The following SYN2 variants were observed in gnomAD, a reference collection of about 807,000 sequenced individuals.
The protein encoded by SYN2 is synapsin II, also known as synapsin-2.
SYN2 carries 19 observed loss-of-function variants against 50.9 expected under a neutral mutation model. The ratio of observed to expected loss-of-function variants is 0.37; its 90% CI spans 0.26 to 0.55. The LOEUF (loss-of-function observed/expected upper bound fraction) is 0.55, where lower values mean the gene tolerates loss of function less well. SYN2 is among the 20% of genes least tolerant of loss of function. The pLI is 0.81. For missense variants in SYN2, 587 were observed against 576.4 expected (o/e 1.02, Z -0.19); for synonymous variants, 255 against 224.9 (o/e 1.13, Z -1.20).
chr3:12,176,695 G>A (rs1241981342), intron 10 of SYN2, among the ~76,000 whole-genome samples: 1 of 152,234 alleles, frequency 6.6e-6, no homozygotes, highest in South Asian at 2.1e-4. Context: ...AAACCAGGAG[G>A]TTGAGGCATT....
At chr3:12,039,727 G>A (rs994440800) in intron 1 of SYN2, among the ~76,000 whole-genome samples, 2 of 152,014 alleles carry the variant, frequency 1.3e-5, no homozygotes, top group African/African-American at 4.8e-5. Flanking sequence ...GTCCTCTCAT[G>A]GATATGATCA....
At chr3:12,085,352 TAC>T (rs55795895) in intron 1 of SYN2, among the ~76,000 whole-genome samples, 88,810 of 149,222 alleles carry the variant, frequency 0.6, 27,495 homozygotes, top group South Asian at 0.75. Flanking sequence ...TGTTATGGAA[TAC>T]ACACACACAC....
At chr3:12,156,869 G>A in intron 5 of SYN2, 1 of 1,614,204 alleles carries the variant, frequency 6.2e-7, no homozygotes. Context: ...TCACACCACA[G>A]AGGGAAGAGT....
intron 1 of SYN2, among the ~76,000 whole-genome samples, chr3:12,054,015 G>A (rs113952473): frequency 2.6e-5 from 4 of 152,148 alleles, no homozygotes; most frequent in Non-Finnish European, 5.9e-5. Flanking sequence ...CAGCAAGAAT[G>A]ATAGTAGGGG....
intron 1 of SYN2, among the ~76,000 whole-genome samples, chr3:12,123,872 G>A (rs190746189): frequency 2.6e-4 from 40 of 152,184 alleles, no homozygotes; most frequent in Admixed American, 1.8e-3. Flanking sequence ...TCAGCCAAGT[G>A]TGGTGGTGTG....
At chr3:12,102,392 T>C (rs1321922595) in intron 1 of SYN2, among the ~76,000 whole-genome samples, 1 of 152,180 alleles carries the variant, frequency 6.6e-6, no homozygotes, top group East Asian at 1.9e-4. Flanking sequence ...ATGTTTTCAA[T>C]GAGTCAGGCA....
At position 12,190,843 on chromosome 3, in the gene SYN2, G is replaced by GGA; in HGVS notation, c.*219_*220dup. The GGA allele has an allele frequency of 7.6e-7, 1 of 1,321,296 alleles. No homozygotes were observed. Among genetic ancestry groups the GGA allele is most frequent in the Non-Finnish European group, 9.6e-7 (1 of 1,040,798 alleles). 81.8% of individuals were successfully genotyped at this position (1,321,296 alleles called of 1,614,324 possible). A position where few individuals can be genotyped will look rare whatever the true frequency, so the allele number is the denominator to read the frequency against. On this transcript the variant is annotated 3_prime_UTR_variant, in exon 13 of 13. Transcript: ENST00000621198. ...AGCAAGGGGTACCTGGCATCAGAGA[G>GGA]GAAAGAGCTGCTTCCCTGTAGTCAT...
intron 1 of SYN2, among the ~76,000 whole-genome samples, chr3:12,038,635 T>A (rs1694551384): frequency 6.6e-6 from 1 of 152,166 alleles, no homozygotes; most frequent in South Asian, 2.1e-4. Context: ...ATTTTAAAAT[T>A]CTTATTCCCA....
intron 1 of SYN2, among the ~76,000 whole-genome samples, chr3:12,012,979 G>C (rs1307400451): frequency 6.6e-6 from 1 of 152,106 alleles, no homozygotes; most frequent in African/African-American, 2.4e-5. Flanking sequence ...CTGGCCTTCT[G>C]CCTTCTCTGT....
At chr3:12,047,792 A>G (rs1694771321) in intron 1 of SYN2, among the ~76,000 whole-genome samples, 1 of 152,220 alleles carries the variant, frequency 6.6e-6, no homozygotes, top group South Asian at 2.1e-4. Flanking sequence ...AACAGGAAGC[A>G]GTGTTCTGAT....
intron 1 of SYN2, among the ~76,000 whole-genome samples, chr3:12,033,911 A>T (rs956749220): frequency 1.3e-5 from 2 of 152,168 alleles, no homozygotes; most frequent in African/African-American, 4.8e-5. Context: ...ACTGCATTTT[A>T]CTTGTCTATT....
intron 5 of SYN2, among the ~76,000 whole-genome samples, chr3:12,152,559 G>C (rs529966581): frequency 1.3e-5 from 2 of 152,266 alleles, no homozygotes; most frequent in African/African-American, 4.8e-5. Context: ...TTAATTGCCA[G>C]GTATATTCCC....
intron 7 of SYN2, among the ~76,000 whole-genome samples, chr3:12,164,388 CT>C (rs894454778): frequency 4.6e-5 from 7 of 152,150 alleles, no homozygotes; most frequent in Admixed American, 6.6e-5. Flanking sequence ...CATTTATTTA[CT>C]TTTTTGGTGT....
rs367653178 is a variant in SYN2, at chr3:12,038,917, A to G, written c.377+33989A>G. On this transcript the variant is annotated intron_variant, in intron 1 of 12. Coordinates refer to ENST00000621198, the MANE Select transcript of SYN2 (RefSeq NM_133625.6). ...GCCTTTAATTTCTTTCTCCTGGCTA[A>G]TTGTCCTGGCTAGGACCTTCAGTAT... 5.1e-4 allele frequency among the ~76,000 whole-genome samples: 77 copies of G among 152,288 alleles called. 3 individuals carry two copies. In the South Asian group the frequency reaches 0.016, roughly 32 times the overall value.
intron 1 of SYN2, among the ~76,000 whole-genome samples, chr3:12,059,797 CG>C (rs774263019): frequency 6.6e-6 from 1 of 151,584 alleles, no homozygotes; most frequent in Non-Finnish European, 1.5e-5. Context: ...CCATGCTTGG[CG>C]GGGGGCCCAC....
intron 1 of SYN2, among the ~76,000 whole-genome samples, chr3:12,048,762 A>T (rs1275723532): frequency 6.6e-6 from 1 of 152,194 alleles, no homozygotes; most frequent in African/African-American, 2.4e-5. Flanking sequence ...ATGTGAATTG[A>T]GGCACAGGAA....
intron 1 of SYN2, among the ~76,000 whole-genome samples, chr3:12,008,853 G>A (rs1465577048): frequency 6.6e-6 from 1 of 152,218 alleles, no homozygotes; most frequent in East Asian, 1.9e-4. Context: ...AGTCCAGACA[G>A]TGGATAGCAT....
chr3:12,109,222 G>A (rs1696265438), intron 1 of SYN2, among the ~76,000 whole-genome samples: 1 of 152,220 alleles, frequency 6.6e-6, no homozygotes, highest in African/African-American at 2.4e-5. Context: ...AGGCACAGTA[G>A]TGGAGATCAC....
chr3:12,188,206 G>A (rs1050529056), intron 12 of SYN2, among the ~76,000 whole-genome samples: 1 of 152,218 alleles, frequency 6.6e-6, no homozygotes, highest in Non-Finnish European at 1.5e-5. Context: ...CAGAGACGCT[G>A]AGGAACTCCA....
Sources: gnomAD v4.1 joint callset for allele counts (sites outside exome capture counted in the v4.1 genomes callset) on GRCh38, gnomAD v4.1.1 for gene constraint, MANE v1.5 for transcripts, NCBI Gene and HGNC (gene_info 2026-07-23, HGNC 2026-07-21) for gene names.